The following TMEM106B variants were observed in gnomAD, a reference collection of about 807,000 sequenced individuals.
TMEM106B encodes the protein transmembrane protein 106B.
Under a neutral mutation model 31.1 loss-of-function variants are expected in TMEM106B, and 15 were observed. The observed-to-expected ratio is 0.48, with a 90% confidence interval of 0.32 to 0.74. TMEM106B has a LOEUF of 0.74. TMEM106B is among the 30% of genes least tolerant of loss of function. TMEM106B has a pLI of 0.03. For synonymous variants in TMEM106B, 126 were observed against 112.5 expected (o/e 1.12, Z -0.76); for missense variants, 283 against 327.3 (o/e 0.86, Z 1.04).
chr7:12,222,919 C>T (rs528700303), intron 3 of TMEM106B, among the ~76,000 whole-genome samples: 1 of 152,174 alleles, frequency 6.6e-6, no homozygotes, highest in African/African-American at 2.4e-5. Context: ...TTAAATCCAT[C>T]AGAGCATTTA....
intron 2 of TMEM106B, 148 bp downstream of exon 2, chr7:12,215,175 A>C (rs1004679975): frequency 1.6e-6 from 1 of 613,830 alleles, no homozygotes; most frequent in African/African-American, 1.9e-5. Context: ...AGTCAAAAAG[A>C]TGCAAAAGAA....
At chr7:12,230,667 C>T (rs1782004225) in intron 6 of TMEM106B, 1 of 356,246 alleles carries the variant, frequency 2.8e-6, no homozygotes, top group Admixed American at 4.5e-5. Context: ...AGGGTTATAC[C>T]ATGTCACTTT....
intron 3 of TMEM106B, 33 bp from the exon 4 acceptor site, chr7:12,224,193 A>C (rs1781847704): frequency 6.3e-7 from 1 of 1,592,464 alleles, no homozygotes; most frequent in Non-Finnish European, 8.6e-7. Flanking sequence ...TTTCTGATGC[A>C]CATGTACTTA....
Position 12,231,894 on chromosome 7 carries a change from T to C in TMEM106B, c.744T>C (p.Tyr248=). Residue 248 remains tyrosine (Y), a synonymous_variant, in exon 8 of 8, where the codon TAT becomes TAC. Transcript: ENST00000396668. Reference sequence around the variant, plus strand: ...CTGAACAGATATCCCAGGAGAGGTATCAGTATGTCGACTGTGGAAGAAACA... The same window carrying C: ...CTGAACAGATATCCCAGGAGAGGTACCAGTATGTCGACTGTGGAAGAAACA... ...GHSEQISQER[Y]QYVDCGRNTT... 1.2e-6 allele frequency: 2 copies of C among 1,612,334 alleles called. No homozygotes were observed. Among genetic ancestry groups the C allele is most frequent in the Non-Finnish European group, 1.7e-6 (2 of 1,178,810 alleles).
intron 1 of TMEM106B, among the ~76,000 whole-genome samples, chr7:12,213,422 T>G (rs1193710921): frequency 1.3e-5 from 2 of 152,220 alleles, no homozygotes; most frequent in East Asian, 3.9e-4. Flanking sequence ...GCGTGAATTT[T>G]CAGAGGCTGA....
At chr7:12,224,639 A>AC (rs1324274220) in intron 4 of TMEM106B, among the ~76,000 whole-genome samples, 1 of 151,962 alleles carries the variant, frequency 6.6e-6, no homozygotes. Context: ...ATAAACTAAA[A>AC]AAAGAAAAAA....
At position 12,237,614 on chromosome 7, in the gene TMEM106B, C is replaced by T. The variant is rs189016466; in HGVS notation, c.*5639C>T. On this transcript the variant is annotated 3_prime_UTR_variant, in exon 8 of 8. Coordinates refer to ENST00000396668, the MANE Select transcript of TMEM106B (RefSeq NM_001134232.2). ...CCAGTGCATATGAAAGTTATGTTTA[C>T]ATCATACTGTAGTCTATTAAGTGTG... The T allele has an allele frequency of 3.3e-5, 5 of 152,126 alleles. No individual in the cohort carries two copies. The highest frequency in any genetic ancestry group is 4.8e-5 in the African/African-American group (2 of 41,510). 9.4% of individuals were successfully genotyped at this position (152,126 alleles called of 1,614,324 possible).
In TMEM106B at chr7:12,224,091, G is replaced by A. The variant is rs567024278; in HGVS notation, c.282-135G>A. The A allele has an allele frequency of 6.3e-5, 48 of 765,652 alleles. No homozygotes were observed. The East Asian group carries it at 1.1e-3, about 18-fold the overall frequency. The allele number at this position is 765,652 out of a possible 1,614,324, so 47.4% of individuals were successfully genotyped here. On this transcript the variant is annotated intron_variant, in intron 3 of 7. Coordinates refer to ENST00000396668, the MANE Select transcript of TMEM106B (RefSeq NM_001134232.2). ...TCAACCATACCCAATACTTTCAGAT[G>A]TGAAAATTTGGTAACATTTAGCATC...
At position 12,241,080 on chromosome 7, in the gene TMEM106B, G is replaced by A. The variant is rs999226618; in HGVS notation, c.*9105G>A. On this transcript the variant is annotated 3_prime_UTR_variant, in exon 8 of 8. Coordinates refer to ENST00000396668, the MANE Select transcript of TMEM106B (RefSeq NM_001134232.2). ...TTTTAACATACATTTTAAATGTTTT[G>A]TCTTCAAAGGGAATCCTTAAAAATG... is the stretch of plus-strand genomic sequence containing the variant. 1.3e-5 allele frequency: 2 copies of A among 151,904 alleles called. No individual in the cohort carries two copies. Among genetic ancestry groups the A allele is most frequent in the African/African-American group, 4.8e-5 (2 of 41,368 alleles). 9.4% of individuals were successfully genotyped at this position (151,904 alleles called of 1,614,324 possible).
Position 12,233,039 on chromosome 7 carries a change from T to A in TMEM106B, c.*1064T>A, listed in dbSNP as rs1247880279. Reference sequence around the variant, plus strand: ...AGAAATTGTTCAAGAAATCCTTAATTGAATGTCATTAAATGATGGTGGCCA... The same window carrying A: ...AGAAATTGTTCAAGAAATCCTTAATAGAATGTCATTAAATGATGGTGGCCA... On this transcript the variant is annotated 3_prime_UTR_variant, in exon 8 of 8. Coordinates refer to ENST00000396668, the MANE Select transcript of TMEM106B (RefSeq NM_001134232.2). 1.3e-5 allele frequency: 2 copies of A among 151,736 alleles called. No homozygotes were observed. The highest frequency in any genetic ancestry group is 4.8e-5 in the African/African-American group (2 of 41,390). The allele number at this position is 151,736 out of a possible 1,614,324, so 9.4% of individuals were successfully genotyped here. A position where few individuals can be genotyped will look rare whatever the true frequency, so the allele number is the denominator to read the frequency against.
intron 2 of TMEM106B, among the ~76,000 whole-genome samples, chr7:12,216,371 A>G (rs1354756815): frequency 2.2e-5 from 2 of 92,798 alleles, no homozygotes; most frequent in Non-Finnish European, 4.0e-5. Flanking sequence ...GTAGCAATTT[A>G]TTAAAATTGA....
chr7:12,234,825 T>A lies in TMEM106B; in HGVS notation c.*2850T>A, dbSNP rs1782097994. 1 of 151,876 alleles carries A rather than the reference T, an allele frequency of 6.6e-6. No homozygotes were observed. The highest frequency in any genetic ancestry group is 2.1e-4 in the South Asian group (1 of 4,828). The allele number at this position is 151,876 out of a possible 1,614,324, so 9.4% of individuals were successfully genotyped here. A position where few individuals can be genotyped will look rare whatever the true frequency, so the allele number is the denominator to read the frequency against. ...TTTCCTATGTTTTTCTTACGTGATTTCCCACAGTTCCATGAGTCCAACAAA... is the reference window on the plus strand; with the variant it reads ...TTTCCTATGTTTTTCTTACGTGATTACCCACAGTTCCATGAGTCCAACAAA... On this transcript the variant is annotated 3_prime_UTR_variant, in exon 8 of 8. Transcript: ENST00000396668.
rs1782113854 is a variant in TMEM106B, at chr7:12,235,481, G to C, written c.*3506G>C. On this transcript the variant is annotated 3_prime_UTR_variant, in exon 8 of 8. Transcript: ENST00000396668. ...AAATATAACACACTTCAGATTGTCT[G>C]ATTTACAGTTTGGAAAGGACACCGC... The C allele has an allele frequency of 6.6e-6, 1 of 151,788 alleles. No individual in the cohort carries two copies. 9.4% of individuals were successfully genotyped at this position (151,788 alleles called of 1,614,324 possible). A position where few individuals can be genotyped will look rare whatever the true frequency, so the allele number is the denominator to read the frequency against.
At position 12,238,633 on chromosome 7, in the gene TMEM106B, C is replaced by T. The variant is rs1782186045; in HGVS notation, c.*6658C>T. 6.6e-6 allele frequency: 1 copy of T among 152,142 alleles called. No individual in the cohort carries two copies. Among genetic ancestry groups the T allele is most frequent in the Admixed American group, 6.6e-5 (1 of 15,264 alleles). The allele number at this position is 152,142 out of a possible 1,614,324, so 9.4% of individuals were successfully genotyped here. ...AAGATTCAAAAGTCAAATTTACTCC[C>T]TGATCCATGGCTGCAGAATGCACGT... On this transcript the variant is annotated 3_prime_UTR_variant, in exon 8 of 8. Coordinates refer to ENST00000396668, the MANE Select transcript of TMEM106B (RefSeq NM_001134232.2).
At chr7:12,215,077 C>A in intron 2 of TMEM106B, 50 bp downstream of exon 2, 1 of 1,521,774 alleles carries the variant, frequency 6.6e-7, no homozygotes, top group South Asian at 1.3e-5. Flanking sequence ...GGTATTTGCT[C>A]AAGTATTATA....
chr7:12,217,987 G>T (rs1007661655), intron 2 of TMEM106B, among the ~76,000 whole-genome samples: 9 of 152,126 alleles, frequency 5.9e-5, no homozygotes, highest in African/African-American at 2.2e-4. Flanking sequence ...CTTAAAGCTT[G>T]AGACTTCTAC....
At position 12,235,793 on chromosome 7, in the gene TMEM106B, A is replaced by G. The variant is rs978039861; in HGVS notation, c.*3818A>G. On this transcript the variant is annotated 3_prime_UTR_variant, in exon 8 of 8. Coordinates refer to ENST00000396668, the MANE Select transcript of TMEM106B (RefSeq NM_001134232.2). The stretch of plus-strand genomic sequence containing the variant: ...TAAATTTTTAAATTTACAAATACAT[A>G]TGGGTCTTTGATAAGCAATAGGAAT... 2.0e-5 allele frequency: 3 copies of G among 151,842 alleles called. No individual in the cohort carries two copies. Among genetic ancestry groups the G allele is most frequent in the Non-Finnish European group, 4.4e-5 (3 of 67,820 alleles). The allele number at this position is 151,842 out of a possible 1,614,324, so 9.4% of individuals were successfully genotyped here. A position where few individuals can be genotyped will look rare whatever the true frequency, so the allele number is the denominator to read the frequency against.
rs1341930889 is a variant in TMEM106B, at chr7:12,236,067, A to G, written c.*4092A>G. The stretch of plus-strand genomic sequence containing the variant: ...GACTGTTAAACATTTCTTTTAAAAA[A>G]TTATTTTTACATTACAACAATATAT... On this transcript the variant is annotated 3_prime_UTR_variant, in exon 8 of 8. Transcript: ENST00000396668. 2.0e-5 allele frequency: 3 copies of G among 151,952 alleles called. No individual in the cohort carries two copies. Among genetic ancestry groups the G allele is most frequent in the African/African-American group, 7.2e-5 (3 of 41,432 alleles). 9.4% of individuals were successfully genotyped at this position (151,952 alleles called of 1,614,324 possible).
At chr7:12,229,254 C>G (rs1781964600) in intron 4 of TMEM106B, among the ~76,000 whole-genome samples, 1 of 152,056 alleles carries the variant, frequency 6.6e-6, no homozygotes, top group Admixed American at 6.6e-5. Context: ...ACATTTCTCC[C>G]CAACCAACCA....
Sources: gnomAD v4.1 joint callset for allele counts (sites outside exome capture counted in the v4.1 genomes callset) on GRCh38, gnomAD v4.1.1 for gene constraint, MANE v1.5 for transcripts, NCBI Gene and HGNC (gene_info 2026-07-23, HGNC 2026-07-21) for gene names.